CAMSAP1: variants seen among roughly 807,000 people sequenced by gnomAD.
CAMSAP1 encodes calmodulin regulated spectrin associated protein 1, also known as calmodulin-regulated spectrin-associated protein 1.
In CAMSAP1, 58 loss-of-function variants were observed where a neutral mutation model predicts 143.5. That is an observed-to-expected ratio of 0.40 (90% CI 0.33 to 0.50). The LOEUF is 0.50. Among genes scored for constraint, CAMSAP1 ranks in the 20% least tolerant of loss-of-function variants. The pLI, the probability that CAMSAP1 is intolerant of heterozygous loss-of-function variation, is 0.45. For missense variants in CAMSAP1, 1,969 were observed against 2,115.7 expected, an observed-to-expected ratio of 0.93 and a Z score of 1.36; for synonymous variants, 945 against 859.3, an observed-to-expected ratio of 1.10 and a Z score of -1.74.
In CAMSAP1 at chr9:135,823,074, G is replaced by C. The variant is rs1306647100; in HGVS notation, c.1587C>G (p.Leu529=). The change falls in exon 11 of 17, where the codon CTC becomes CTG. Residue 529 remains leucine (L), a synonymous_variant. Transcript: ENST00000389532. ...CATCCTCAATACTGACATTGCTCAG[G>C]AGGCTCTTCCCGTGGCTCTTCGTGG... ...PTATKSHGKS[L]LSNVSIEDEE... is the part of the protein sequence containing the mutation. 9.3e-6 allele frequency: 15 copies of C among 1,614,010 alleles called. No homozygotes were observed. The highest frequency in any genetic ancestry group is 1.3e-5 in the Non-Finnish European group (15 of 1,179,890).
At chr9:135,857,059 G>C (rs975629575) in intron 5 of CAMSAP1, among the ~76,000 whole-genome samples, 1 of 152,154 alleles carries the variant, frequency 6.6e-6, no homozygotes, top group Non-Finnish European at 1.5e-5. Flanking sequence ...AACCTGCTTG[G>C]TCTCTCCACA....
At chr9:135,849,856 ATTT>A in intron 7 of CAMSAP1, 1 of 253,088 alleles carries the variant, frequency 4.0e-6, no homozygotes, top group Non-Finnish European at 7.4e-6. Flanking sequence ...TGTAGTAAAC[ATTT>A]TTTTTTTTTC....
At chr9:135,905,600 A>T (rs1285658100) in intron 1 of CAMSAP1, among the ~76,000 whole-genome samples, 1 of 152,232 alleles carries the variant, frequency 6.6e-6, no homozygotes, top group Non-Finnish European at 1.5e-5. Context: ...AAATGTGGAA[A>T]AGTGAAGATG....
intron 7 of CAMSAP1, among the ~76,000 whole-genome samples, chr9:135,847,567 A>G (rs1836600511): frequency 6.6e-6 from 1 of 151,052 alleles, no homozygotes; most frequent in Non-Finnish European, 1.5e-5. Context: ...GACATGGATG[A>G]AGCTGGAAGC....
intron 5 of CAMSAP1, among the ~76,000 whole-genome samples, chr9:135,855,875 A>ACCCT (rs1836944356): frequency 6.6e-6 from 1 of 151,918 alleles, no homozygotes; most frequent in Non-Finnish European, 1.5e-5. Context: ...ACACGGTGAA[A>ACCCT]CCCTGTCTCT....
chr9:135,811,771 GT>G lies in CAMSAP1; in HGVS notation c.4507-161del, dbSNP rs1200238171. On this transcript the variant is annotated intron_variant, in intron 16 of 16. Transcript: ENST00000389532. This position sits in a 1 kb window ranked among gnomAD's most constrained non-coding sequence, Gnocchi z 4.9. ...TTGTAAACAATTACAGCAGACCCCT[GT>G]ACGGGAGCATTATATGCCATTGAGA... Among the ~76,000 whole-genome samples the G allele has an allele frequency of 1.3e-5, 2 of 152,216 alleles. No homozygotes were observed. Among genetic ancestry groups the G allele is most frequent in the Non-Finnish European group, 2.9e-5 (2 of 68,046 alleles).
rs929328174 is a variant in CAMSAP1, at chr9:135,862,733, A to G, written c.667-125T>C. 22 of 1,016,878 alleles carry G rather than the reference A, an allele frequency of 2.2e-5. 1 individual carries two copies. The South Asian group carries it at 3.1e-4, about 14-fold the overall frequency. The allele number at this position is 1,016,878 out of a possible 1,614,324, so 63.0% of individuals were successfully genotyped here. A position where few individuals can be genotyped will look rare whatever the true frequency, so the allele number is the denominator to read the frequency against. ...AACAGACAACATGGAGAACAATTGC[A>G]ATAATCTAGAAAGAGTTAGAAACGT... On this transcript the variant is annotated intron_variant, in intron 4 of 16. Transcript: ENST00000389532.
At chr9:135,835,923 T>C (rs1836015855) in intron 7 of CAMSAP1, among the ~76,000 whole-genome samples, 1 of 152,132 alleles carries the variant, frequency 6.6e-6, no homozygotes, top group African/African-American at 2.4e-5. Context: ...GAGGCTGCAG[T>C]GAGGTGAGAT....
At chr9:135,864,442 CGCT>C (rs1330299389) in intron 4 of CAMSAP1, among the ~76,000 whole-genome samples, 1 of 152,216 alleles carries the variant, frequency 6.6e-6, no homozygotes, top group South Asian at 2.1e-4. Flanking sequence ...AGCTTACTCC[CGCT>C]GCTATCGCCT....
At chr9:135,873,783 G>A (rs568903299) in intron 3 of CAMSAP1, among the ~76,000 whole-genome samples, 98 of 151,942 alleles carry the variant, frequency 6.4e-4, no homozygotes, top group African/African-American at 2.2e-3. Flanking sequence ...AATTAAAATC[G>A]TCTAAGAAAA....
At chr9:135,859,203 G>A (rs1333532418) in intron 5 of CAMSAP1, among the ~76,000 whole-genome samples, 2 of 152,164 alleles carry the variant, frequency 1.3e-5, no homozygotes, top group African/African-American at 2.4e-5. Context: ...GGCCTTAATC[G>A]ACTGCACGTT....
intron 5 of CAMSAP1, among the ~76,000 whole-genome samples, chr9:135,857,238 A>G (rs147910277): frequency 6.6e-4 from 100 of 151,550 alleles, no homozygotes; most frequent in Middle Eastern, 3.4e-3. Context: ...CTTTTCTCCT[A>G]TTTTCTCTTC....
rs1325246354 is a variant in CAMSAP1 at position 135,826,639 on chromosome 9, T to C, written c.1223+768A>G. On this transcript the variant is annotated intron_variant, in intron 8 of 16. Transcript: ENST00000389532. The surrounding 1 kb of genome is among the most constrained non-coding windows in gnomAD (Gnocchi z 4.4). Reference sequence around the variant, plus strand: ...GAACCATTCACTTATGTGAATTATTTAAAACCACTTTTAAATAGCGTCTTC... The same window carrying C: ...GAACCATTCACTTATGTGAATTATTCAAAACCACTTTTAAATAGCGTCTTC... 6.6e-6 allele frequency among the ~76,000 whole-genome samples: 1 copy of C among 152,254 alleles called. No individual in the cohort carries two copies. The highest frequency in any genetic ancestry group is 1.5e-5 in the Non-Finnish European group (1 of 68,044).
intron 3 of CAMSAP1, among the ~76,000 whole-genome samples, chr9:135,870,424 T>A (rs1173209252): frequency 6.6e-6 from 1 of 152,194 alleles, no homozygotes; most frequent in East Asian, 1.9e-4. Flanking sequence ...CTTTTCTTTA[T>A]AAATTACCCA....
chr9:135,851,437 C>T (rs1320006579), intron 5 of CAMSAP1, among the ~76,000 whole-genome samples: 3 of 152,216 alleles, frequency 2.0e-5, no homozygotes, highest in Non-Finnish European at 4.4e-5. Context: ...CACACTCACA[C>T]TGCTAAGGAT....
intron 5 of CAMSAP1, among the ~76,000 whole-genome samples, chr9:135,857,605 T>G (rs981001457): frequency 3.3e-5 from 5 of 152,220 alleles, no homozygotes; most frequent in Admixed American, 3.3e-4. Context: ...CTGCACCATC[T>G]CTGTTGATTT....
chr9:135,886,613 G>C (rs185345921), intron 1 of CAMSAP1, among the ~76,000 whole-genome samples: 58 of 152,354 alleles, frequency 3.8e-4, no homozygotes, highest in Non-Finnish European at 7.2e-4. Context: ...TCTGTCAGCA[G>C]AGCGAGACAG....
chr9:135,811,524 C>G lies in CAMSAP1; in HGVS notation c.4594G>C (p.Asp1532His). Residue 1532 changes from aspartate (D) to histidine (H), a missense_variant, in exon 17 of 17, where the codon GAT (aspartate) becomes CAT (histidine). Coordinates refer to ENST00000389532, the MANE Select transcript of CAMSAP1 (RefSeq NM_015447.4). This position sits in a 1 kb window ranked among gnomAD's most constrained non-coding sequence, Gnocchi z 4.9. ...QFRALYCYYP[D>H]TEEIYKLTGT... ...GTGAGTTTGTAGATTTCCTCAGTAT[C>G]AGGATAGTAGCAGTAAAGCGCCCTG... 6.2e-7 allele frequency: 1 copy of G among 1,608,308 alleles called. No homozygotes were observed. Among genetic ancestry groups the G allele is most frequent in the South Asian group, 1.1e-5 (1 of 90,012 alleles).
chr9:135,886,691 C>T (rs1315807000), intron 1 of CAMSAP1, among the ~76,000 whole-genome samples: 2 of 152,092 alleles, frequency 1.3e-5, no homozygotes, highest in Non-Finnish European at 2.9e-5. Flanking sequence ...AGCCAGAGGA[C>T]GAGGAGATCC....
Sources: gnomAD v4.1 joint callset for allele counts (sites outside exome capture counted in the v4.1 genomes callset) on GRCh38, gnomAD v4.1.1 for gene constraint, Gnocchi (gnomAD v3.1) non-coding constraint, MANE v1.5 for transcripts, NCBI Gene and HGNC (gene_info 2026-07-23, HGNC 2026-07-21) for gene names.